Variants in GRM8 observed in about 807,000 individuals in gnomAD.
The protein encoded by GRM8 is metabotropic glutamate receptor 8.
GRM8 carries 47 observed loss-of-function variants against 87.2 expected under a neutral mutation model. That is an observed-to-expected ratio of 0.54 (90% CI 0.43 to 0.69). The LOEUF (loss-of-function observed/expected upper bound fraction) is 0.69. GRM8 is among the 30% of genes least tolerant of loss of function. GRM8 has a pLI of 0.00. For synonymous variants in GRM8, 396 were observed against 404.5 expected, an observed-to-expected ratio of 0.98 and a Z score of 0.25; for missense variants, 1,019 against 1,139.2, an observed-to-expected ratio of 0.89 and a Z score of 1.52.
At chr7:126,628,927 A>T (rs1800965809) in intron 7 of GRM8, among the ~76,000 whole-genome samples, 1 of 152,124 alleles carries the variant, frequency 6.6e-6, no homozygotes, top group South Asian at 2.1e-4. Context: ...GGAGGAGGAA[A>T]AAAGGAGAGG....
intron 6 of GRM8, among the ~76,000 whole-genome samples, chr7:126,777,341 C>G (rs1019726738): frequency 6.6e-6 from 1 of 152,092 alleles, no homozygotes; most frequent in Non-Finnish European, 1.5e-5. Context: ...AATAGAAGAA[C>G]TGAGATTCAA....
At chr7:126,903,113 C>G (rs986491444) in intron 5 of GRM8, among the ~76,000 whole-genome samples, 1 of 152,174 alleles carries the variant, frequency 6.6e-6, no homozygotes, top group African/African-American at 2.4e-5. Flanking sequence ...TTCAAAATTT[C>G]TCCTTCCTAT....
At chr7:126,909,638 A>AT (rs1045993681) in intron 3 of GRM8, among the ~76,000 whole-genome samples, 6 of 152,026 alleles carry the variant, frequency 3.9e-5, no homozygotes, top group African/African-American at 1.4e-4. Flanking sequence ...CAGCCTGTGT[A>AT]TTTTTTTTCC....
chr7:126,789,531 C>T (rs1019178268), intron 6 of GRM8, among the ~76,000 whole-genome samples: 26 of 152,066 alleles, frequency 1.7e-4, no homozygotes, highest in African/African-American at 5.6e-4. Context: ...GTTCCACAGC[C>T]GCTAATTTAT....
chr7:126,506,783 GA>G (rs529190047), intron 9 of GRM8, among the ~76,000 whole-genome samples: 16 of 144,146 alleles, frequency 1.1e-4, no homozygotes, highest in East Asian at 2.0e-4. Flanking sequence ...TGTCTCAAAA[GA>G]AAAAAAAAAG....
intron 2 of GRM8, among the ~76,000 whole-genome samples, chr7:127,111,339 AT>A (rs1826330225): frequency 6.6e-6 from 1 of 152,248 alleles, no homozygotes; most frequent in Non-Finnish European, 1.5e-5. Flanking sequence ...TACATATATT[AT>A]TAATAGGAGT....
intron 6 of GRM8, among the ~76,000 whole-genome samples, chr7:126,853,168 T>C (rs1425638739): frequency 6.6e-6 from 1 of 152,202 alleles, no homozygotes; most frequent in African/African-American, 2.4e-5. Flanking sequence ...TTAACAGTGA[T>C]GTTACTTGAC....
At chr7:127,082,588 C>G (rs1167408423) in intron 3 of GRM8, among the ~76,000 whole-genome samples, 2 of 152,136 alleles carry the variant, frequency 1.3e-5, no homozygotes, top group Non-Finnish European at 2.9e-5. Context: ...TGGAAGTTTC[C>G]ATTCTTCTAA....
chr7:126,701,519 G>C (rs563656754), intron 7 of GRM8, among the ~76,000 whole-genome samples: 44 of 152,242 alleles, frequency 2.9e-4, no homozygotes, highest in Non-Finnish European at 5.4e-4. Flanking sequence ...GTAGCTCCAA[G>C]AGAGATGTTT....
intron 6 of GRM8, among the ~76,000 whole-genome samples, chr7:126,892,041 A>C (rs1330545217): frequency 2.0e-5 from 3 of 150,986 alleles, no homozygotes; most frequent in African/African-American, 4.9e-5. Flanking sequence ...AAAAAAAAAA[A>C]AACCCTAATA....
intron 7 of GRM8, among the ~76,000 whole-genome samples, chr7:126,662,822 T>C (rs533684933): frequency 6.6e-6 from 1 of 152,070 alleles, no homozygotes; most frequent in South Asian, 2.1e-4. Flanking sequence ...GATTATGAAA[T>C]GTTTAGTGTT....
chr7:126,850,176 A>T (rs1257268722), intron 6 of GRM8, among the ~76,000 whole-genome samples: 2 of 152,190 alleles, frequency 1.3e-5, no homozygotes, highest in African/African-American at 4.8e-5. Context: ...ACCGGCTCTC[A>T]GTCCTTGTCT....
At chr7:126,659,975 C>T (rs1479214686) in intron 7 of GRM8, among the ~76,000 whole-genome samples, 1 of 152,086 alleles carries the variant, frequency 6.6e-6, no homozygotes, top group Non-Finnish European at 1.5e-5. Context: ...CTGTCATATA[C>T]ATTTAAAATA....
intron 8 of GRM8, among the ~76,000 whole-genome samples, chr7:126,589,410 G>A (rs1017807128): frequency 6.6e-6 from 1 of 152,006 alleles, no homozygotes; most frequent in African/African-American, 2.4e-5. Flanking sequence ...TAATCCTACT[G>A]GTAACGTAAC....
intron 2 of GRM8, among the ~76,000 whole-genome samples, chr7:127,168,690 G>A (rs1793599725): frequency 6.6e-6 from 1 of 152,154 alleles, no homozygotes; most frequent in African/African-American, 2.4e-5. Flanking sequence ...AAAAAAGTGT[G>A]AGATCATGTC....
intron 3 of GRM8, among the ~76,000 whole-genome samples, chr7:127,063,675 G>A (rs754184065): frequency 1.3e-5 from 2 of 152,144 alleles, no homozygotes; most frequent in Non-Finnish European, 2.9e-5. Context: ...CTCATCTTCT[G>A]CTAGCTTTGG....
intron 2 of GRM8, among the ~76,000 whole-genome samples, chr7:127,184,974 T>A (rs1446689510): frequency 1.3e-5 from 2 of 152,008 alleles, no homozygotes; most frequent in Non-Finnish European, 2.9e-5. Flanking sequence ...AAACAAAATC[T>A]AAATAAATGG....
intron 3 of GRM8, among the ~76,000 whole-genome samples, chr7:127,009,288 A>T (rs914472564): frequency 6.6e-6 from 1 of 152,184 alleles, no homozygotes; most frequent in Non-Finnish European, 1.5e-5. Flanking sequence ...AAAGTATTTT[A>T]AAAATGGCCT....
chr7:126,676,194 T>C (rs1806941018), intron 7 of GRM8, among the ~76,000 whole-genome samples: 1 of 152,112 alleles, frequency 6.6e-6, no homozygotes, highest in African/African-American at 2.4e-5. Flanking sequence ...GAAAGATCTC[T>C]ACAAGGAGAC....
Sources: gnomAD v4.1 joint callset for allele counts (sites outside exome capture counted in the v4.1 genomes callset) on GRCh38, gnomAD v4.1.1 for gene constraint, MANE v1.5 for transcripts, NCBI Gene and HGNC (gene_info 2026-07-23, HGNC 2026-07-21) for gene names.